ERBB4: variants seen among roughly 807,000 people sequenced by gnomAD.
The protein encoded by ERBB4 is receptor tyrosine-protein kinase erbB-4.
A neutral mutation model predicts 158.0 loss-of-function variants in ERBB4; 42 were observed. The ratio of observed to expected loss-of-function variants is 0.27; its 90% confidence interval spans 0.21 to 0.34. The LOEUF is 0.34. Among genes scored for constraint, ERBB4 ranks in the 10% least tolerant of loss-of-function variants. ERBB4 has a pLI of 1.00. For missense variants in ERBB4, 1,333 were observed against 1,624.1 expected, an observed-to-expected ratio of 0.82 and a Z score of 3.08; for synonymous variants, 583 against 558.7, an observed-to-expected ratio of 1.04 and a Z score of -0.61.
At chr2:212,426,535 C>G (rs975307547) in intron 1 of ERBB4, among the ~76,000 whole-genome samples, 2 of 152,110 alleles carry the variant, frequency 1.3e-5, no homozygotes, top group South Asian at 2.1e-4. Context: ...TTGGCTTTCT[C>G]TAAACATACA....
chr2:211,395,900 ACTTTTAC>A (rs2062905759), intron 25 of ERBB4, among the ~76,000 whole-genome samples: 1 of 152,054 alleles, frequency 6.6e-6, no homozygotes, highest in Non-Finnish European at 1.5e-5. Context: ...TACTTGATAT[ACTTTTAC>A]CTTCACAGCA....
intron 1 of ERBB4, among the ~76,000 whole-genome samples, chr2:212,184,590 T>A (rs1253554851): frequency 6.6e-6 from 1 of 152,116 alleles, no homozygotes; most frequent in Non-Finnish European, 1.5e-5. Context: ...TAGTAAATAC[T>A]CACTAAGAGC....
At chr2:211,915,570 A>T (rs555131632) in intron 3 of ERBB4, among the ~76,000 whole-genome samples, 97 of 152,106 alleles carry the variant, frequency 6.4e-4, no homozygotes, top group African/African-American at 2.1e-3. Context: ...ACAATGACCA[A>T]TGATTCTTCT....
At chr2:211,623,387 A>AATG (rs1202703483) in intron 18 of ERBB4, among the ~76,000 whole-genome samples, 1 of 152,070 alleles carries the variant, frequency 6.6e-6, no homozygotes, top group African/African-American at 2.4e-5. Context: ...CAAAATCATA[A>AATG]ATGTAACCAA....
chr2:211,809,308 C>T (rs774479212), intron 3 of ERBB4, among the ~76,000 whole-genome samples: 4 of 152,168 alleles, frequency 2.6e-5, no homozygotes, highest in Non-Finnish European at 5.9e-5. Flanking sequence ...GTCTGTGAAT[C>T]CATCTGGTCC....
At chr2:211,713,862 G>A (rs1327610273) in intron 7 of ERBB4, among the ~76,000 whole-genome samples, 2 of 152,058 alleles carry the variant, frequency 1.3e-5, no homozygotes, top group African/African-American at 4.8e-5. Flanking sequence ...TACTTGCTTG[G>A]TTACTGCTCC....
chr2:212,305,750 A>G (rs2086787759), intron 1 of ERBB4, among the ~76,000 whole-genome samples: 1 of 151,470 alleles, frequency 6.6e-6, no homozygotes, highest in Non-Finnish European at 1.5e-5. Context: ...AAATACAAAT[A>G]AAACAGAAAC....
At chr2:211,781,503 G>C (rs1305491860) in intron 4 of ERBB4, among the ~76,000 whole-genome samples, 1 of 152,168 alleles carries the variant, frequency 6.6e-6, no homozygotes, top group African/African-American at 2.4e-5. Flanking sequence ...AGCAGCTGAG[G>C]ATTGTTCTTC....
At chr2:212,295,712 CAAT>C (rs1253996816) in intron 1 of ERBB4, among the ~76,000 whole-genome samples, 1 of 151,916 alleles carries the variant, frequency 6.6e-6, no homozygotes, top group East Asian at 1.9e-4. Context: ...GAAGGATTAG[CAAT>C]AATATATGTA....
chr2:211,838,511 G>T (rs2077392106), intron 3 of ERBB4, among the ~76,000 whole-genome samples: 2 of 152,074 alleles, frequency 1.3e-5, no homozygotes, highest in South Asian at 4.1e-4. Context: ...TAAAACTCAA[G>T]ATATTAAAAG....
intron 2 of ERBB4, among the ~76,000 whole-genome samples, chr2:211,990,792 A>G (rs541625310): frequency 2.6e-5 from 4 of 152,054 alleles, no homozygotes; most frequent in Admixed American, 2.0e-4. Flanking sequence ...ACAAAACGTA[A>G]GAAGTAACTA....
At chr2:212,123,402 C>CACAAAACAAA (rs748482439) in intron 2 of ERBB4, among the ~76,000 whole-genome samples, 4 of 152,248 alleles carry the variant, frequency 2.6e-5, no homozygotes, top group African/African-American at 7.2e-5. Flanking sequence ...GACTCCATCT[C>CACAAAACAAA]ACAAAACAAA....
At chr2:211,657,370 A>G (rs1195606401) in intron 16 of ERBB4, among the ~76,000 whole-genome samples, 1 of 151,864 alleles carries the variant, frequency 6.6e-6, no homozygotes, top group East Asian at 1.9e-4. Flanking sequence ...TTAGCCAGGC[A>G]TGGTGGTGGG....
chr2:212,518,631 T>G (rs985873213), intron 1 of ERBB4, among the ~76,000 whole-genome samples: 19 of 152,020 alleles, frequency 1.2e-4, no homozygotes, highest in Non-Finnish European at 7.4e-5. Flanking sequence ...ATGTGATCTT[T>G]TTTTGCGAAG....
chr2:211,609,453 T>C (rs1418084237), intron 19 of ERBB4, among the ~76,000 whole-genome samples: 2 of 152,204 alleles, frequency 1.3e-5, no homozygotes, highest in Admixed American at 6.5e-5. Context: ...TTTCCATAAG[T>C]CTGGCTATAC....
chr2:212,534,114 A>C (rs1217194052), intron 1 of ERBB4, among the ~76,000 whole-genome samples: 1 of 152,204 alleles, frequency 6.6e-6, no homozygotes, highest in Non-Finnish European at 1.5e-5. Flanking sequence ...TATAAAGCCA[A>C]AACTTATGGC....
intron 12 of ERBB4, among the ~76,000 whole-genome samples, chr2:211,701,537 A>T (rs539280168): frequency 1.3e-5 from 2 of 151,988 alleles, no homozygotes; most frequent in East Asian, 3.9e-4. Flanking sequence ...TGGGCGGATC[A>T]CGAGGTCAGG....
intron 1 of ERBB4, among the ~76,000 whole-genome samples, chr2:212,341,970 G>T (rs1370457384): frequency 1.3e-5 from 2 of 152,060 alleles, no homozygotes; most frequent in Non-Finnish European, 2.9e-5. Flanking sequence ...AACTAAAGTG[G>T]CTTGAGGGCT....
At chr2:211,800,122 A>G (rs1200511479) in intron 3 of ERBB4, among the ~76,000 whole-genome samples, 2 of 152,164 alleles carry the variant, frequency 1.3e-5, no homozygotes, top group South Asian at 2.1e-4. Context: ...ACAATGATGA[A>G]GCAAGTTGCC....
Sources: gnomAD v4.1 joint callset for allele counts (sites outside exome capture counted in the v4.1 genomes callset) on GRCh38, gnomAD v4.1.1 for gene constraint, MANE v1.5 for transcripts, NCBI Gene and HGNC (gene_info 2026-07-23, HGNC 2026-07-21) for gene names.